Variants in NELL1 observed in about 807,000 individuals in gnomAD.
NELL1 encodes the protein neural EGFL like 1.
Under a neutral mutation model 107.4 loss-of-function variants are expected in NELL1, and 76 were observed. The observed-to-expected ratio is 0.71, with a 90% confidence interval of 0.59 to 0.86. NELL1 has a LOEUF of 0.86. Among genes scored for constraint, NELL1 ranks in the 40% least tolerant of loss-of-function variants. The pLI is 0.00. For synonymous variants in NELL1, 353 were observed against 341.2 expected (o/e 1.03, Z -0.38); for missense variants, 1,024 against 1,005.5 (o/e 1.02, Z -0.25).
chr11:21,283,490 AG>A (rs1411126423), intron 14 of NELL1, among the ~76,000 whole-genome samples: 1 of 152,198 alleles, frequency 6.6e-6, no homozygotes, highest in Non-Finnish European at 1.5e-5. Context: ...CTAAAAATAA[AG>A]TCTGTGTTTT....
chr11:21,150,887 A>G (rs1224974124), intron 13 of NELL1, among the ~76,000 whole-genome samples: 1 of 152,126 alleles, frequency 6.6e-6, no homozygotes, highest in Non-Finnish European at 1.5e-5. Context: ...GGGAGTCCTC[A>G]GGAGACTTAT....
At chr11:20,705,021 A>G (rs1252683768) in intron 2 of NELL1, among the ~76,000 whole-genome samples, 1 of 152,210 alleles carries the variant, frequency 6.6e-6, no homozygotes, top group Non-Finnish European at 1.5e-5. Flanking sequence ...GAGGATACAA[A>G]CAAATGGAAG....
At chr11:20,684,825 C>T (rs1377852040) in intron 2 of NELL1, among the ~76,000 whole-genome samples, 1 of 152,038 alleles carries the variant, frequency 6.6e-6, no homozygotes, top group African/African-American at 2.4e-5. Context: ...TTTACCATCA[C>T]TGAGGCAAGA....
intron 2 of NELL1, among the ~76,000 whole-genome samples, chr11:20,692,059 A>G (rs1854482249): frequency 6.6e-6 from 1 of 151,678 alleles, no homozygotes; most frequent in African/African-American, 2.4e-5. Context: ...TAGATTTTCT[A>G]GTTTATTTGC....
intron 15 of NELL1, among the ~76,000 whole-genome samples, chr11:21,477,615 A>T (rs890216272): frequency 1.3e-5 from 2 of 152,108 alleles, no homozygotes; most frequent in African/African-American, 4.8e-5. Context: ...TATGAAGAAT[A>T]TAATAAATAC....
chr11:21,088,326 G>T (rs377058649), intron 12 of NELL1, among the ~76,000 whole-genome samples: 91 of 152,104 alleles, frequency 6.0e-4, no homozygotes, highest in African/African-American at 2.0e-3. Flanking sequence ...TTTCACAATG[G>T]TTTTTTTCTC....
At chr11:20,727,463 A>G (rs1855534342) in intron 2 of NELL1, among the ~76,000 whole-genome samples, 1 of 152,038 alleles carries the variant, frequency 6.6e-6, no homozygotes, top group Non-Finnish European at 1.5e-5. Context: ...TTTCTTGTAA[A>G]TTTGTTGGCG....
chr11:21,147,080 A>G (rs1377507188), intron 13 of NELL1, among the ~76,000 whole-genome samples: 1 of 152,196 alleles, frequency 6.6e-6, no homozygotes, highest in Admixed American at 6.5e-5. Flanking sequence ...ACATCATGGC[A>G]CTGAGAGATT....
At position 21,090,147 on chromosome 11, in the gene NELL1, A is replaced by G. The variant is rs150541597; in HGVS notation, c.1301-23442A>G. Among the ~76,000 whole-genome samples the G allele has an allele frequency of 4.2e-4, 64 of 152,312 alleles. No individual in the cohort carries two copies. The East Asian group carries it at 0.011, about 27-fold the overall frequency. ...ATAATACAGAAAATAAATAGAGTCT[A>G]CAAAGAAGAGGAATGGTCAAAGAAT... is the stretch of plus-strand genomic sequence containing the variant. On this transcript the variant is annotated intron_variant, in intron 12 of 19. Coordinates refer to ENST00000357134, the MANE Select transcript of NELL1 (RefSeq NM_006157.5).
intron 12 of NELL1, among the ~76,000 whole-genome samples, chr11:21,024,423 G>A (rs547526851): frequency 1.2e-4 from 18 of 152,172 alleles, no homozygotes; most frequent in East Asian, 1.9e-4. Flanking sequence ...CATAGGAAGC[G>A]CTGTAATAGT....
At chr11:20,982,962 T>C (rs970395008) in intron 12 of NELL1, among the ~76,000 whole-genome samples, 1 of 152,152 alleles carries the variant, frequency 6.6e-6, no homozygotes, top group African/African-American at 2.4e-5. Context: ...TTTATTAGAG[T>C]GTGGTCAGAT....
intron 13 of NELL1, among the ~76,000 whole-genome samples, chr11:21,199,491 T>C (rs1857221047): frequency 6.6e-6 from 1 of 152,196 alleles, no homozygotes; most frequent in African/African-American, 2.4e-5. Flanking sequence ...TACATAGTTT[T>C]ATATTTCCAG....
intron 3 of NELL1, among the ~76,000 whole-genome samples, chr11:20,804,049 T>C (rs1451396278): frequency 1.4e-5 from 1 of 72,758 alleles, no homozygotes; most frequent in Non-Finnish European, 2.6e-5. Flanking sequence ...ATTGTGTGAG[T>C]TAATATTTAA....
At chr11:20,940,129 C>T (rs964355423) in intron 10 of NELL1, among the ~76,000 whole-genome samples, 3 of 152,062 alleles carry the variant, frequency 2.0e-5, no homozygotes, top group Admixed American at 2.0e-4. Flanking sequence ...AAAGAGACTT[C>T]TCTCTGTGTC....
chr11:21,536,909 T>G (rs76882629), intron 16 of NELL1, among the ~76,000 whole-genome samples: 22,538 of 152,108 alleles, frequency 0.15, 1,890 homozygotes, highest in African/African-American at 0.23. Flanking sequence ...CTCTCTAACA[T>G]GCTGAGTGGC....
chr11:21,100,265 G>T (rs994268766), intron 12 of NELL1, among the ~76,000 whole-genome samples: 6 of 152,100 alleles, frequency 3.9e-5, no homozygotes, highest in Non-Finnish European at 5.9e-5. Context: ...CAATCCTCCC[G>T]CCTAGGCTTC....
At chr11:21,057,697 G>A (rs189568933) in intron 12 of NELL1, among the ~76,000 whole-genome samples, 256 of 151,934 alleles carry the variant, frequency 1.7e-3, no homozygotes, top group African/African-American at 5.8e-3. Context: ...GCAGATGGGT[G>A]TTTAATTAAA....
chr11:20,784,381 G>GA (rs1288764646), intron 3 of NELL1, among the ~76,000 whole-genome samples: 5 of 152,160 alleles, frequency 3.3e-5, no homozygotes, highest in African/African-American at 4.8e-5. Flanking sequence ...GTTGTATAAG[G>GA]AAAAAAATGT....
chr11:21,042,947 A>G (rs911970313), intron 12 of NELL1, among the ~76,000 whole-genome samples: 1 of 152,104 alleles, frequency 6.6e-6, no homozygotes, highest in Non-Finnish European at 1.5e-5. Context: ...GTCTTTTCAT[A>G]AATTGAGGAC....
Sources: gnomAD v4.1 joint callset for allele counts (sites outside exome capture counted in the v4.1 genomes callset) on GRCh38, gnomAD v4.1.1 for gene constraint, MANE v1.5 for transcripts, NCBI Gene and HGNC (gene_info 2026-07-23, HGNC 2026-07-21) for gene names.